The following CNTNAP2 variants were observed in gnomAD, a reference collection of about 807,000 sequenced individuals.
The protein encoded by CNTNAP2 is contactin associated protein 2.
CNTNAP2 carries 98 observed loss-of-function variants against 155.2 expected under a neutral mutation model. The ratio of observed to expected loss-of-function variants is 0.63; its 90% CI spans 0.54 to 0.75. CNTNAP2 has a LOEUF of 0.75. Among genes scored for constraint, CNTNAP2 ranks in the 30% least tolerant of loss-of-function variants. The pLI is 0.00. For synonymous variants in CNTNAP2, 651 were observed against 631.2 expected, an observed-to-expected ratio of 1.03 and a Z score of -0.47; for missense variants, 1,727 against 1,688.1, an observed-to-expected ratio of 1.02 and a Z score of -0.40.
rs148706250 is a variant in CNTNAP2 at position 147,867,535 on chromosome 7, A to C, written c.2099-36030A>C. Reference sequence around the variant, plus strand: ...GGAAGTTCTCCTGGATAATATCCTGAAGAGTGTTTTCCAACTTGGTTGTAT... The same window carrying C: ...GGAAGTTCTCCTGGATAATATCCTGCAGAGTGTTTTCCAACTTGGTTGTAT... On this transcript the variant is annotated intron_variant, in intron 13 of 23. Transcript: ENST00000361727. 3.3e-3 allele frequency among the ~76,000 whole-genome samples: 507 copies of C among 152,218 alleles called. 8 individuals carry two copies. In the East Asian group the frequency reaches 0.034, roughly 10 times the overall value.
chr7:147,460,796 C>T (rs1257839131), intron 10 of CNTNAP2, among the ~76,000 whole-genome samples: 1 of 152,162 alleles, frequency 6.6e-6, no homozygotes, highest in Non-Finnish European at 1.5e-5. Flanking sequence ...CATTAGATAC[C>T]ATCTGATGCA....
intron 3 of CNTNAP2, among the ~76,000 whole-genome samples, chr7:146,881,228 G>A (rs1191292019): frequency 2.6e-5 from 4 of 152,026 alleles, no homozygotes; most frequent in African/African-American, 9.7e-5. Context: ...CAATAAAACT[G>A]TATTGGTTTT....
Position 147,298,806 on chromosome 7 carries a change from A to G in CNTNAP2, c.1349-1335A>G, listed in dbSNP as rs148168832. Among the ~76,000 whole-genome samples the G allele has an allele frequency of 2.2e-3, 339 of 152,328 alleles. 3 individuals are homozygous for G. Among genetic ancestry groups the G allele is most frequent in the African/African-American group, 7.5e-3 (311 of 41,576 alleles). On this transcript the variant is annotated intron_variant, in intron 8 of 23. Transcript: ENST00000361727. ...CATTTGAATTGTATATAATTTTCAC[A>G]TGTCACTAAACATTATTCTTCTTTT...
At chr7:146,341,237 C>T (rs1794719234) in intron 1 of CNTNAP2, among the ~76,000 whole-genome samples, 1 of 152,052 alleles carries the variant, frequency 6.6e-6, no homozygotes, top group Admixed American at 6.6e-5. Context: ...TGAAATGCCA[C>T]TAATTTGAAT....
At chr7:147,025,631 T>C (rs1798904256) in intron 3 of CNTNAP2, among the ~76,000 whole-genome samples, 1 of 151,846 alleles carries the variant, frequency 6.6e-6, no homozygotes, top group Non-Finnish European at 1.5e-5. Flanking sequence ...TGGGCAGGGA[T>C]ACATATCCAA....
intron 8 of CNTNAP2, among the ~76,000 whole-genome samples, chr7:147,282,247 T>A (rs558825815): frequency 2.0e-5 from 3 of 151,898 alleles, no homozygotes; most frequent in Non-Finnish European, 2.9e-5. Flanking sequence ...AGTCTAAGTG[T>A]GTAATCCATA....
intron 13 of CNTNAP2, among the ~76,000 whole-genome samples, chr7:147,747,146 G>C (rs115354770): frequency 6.6e-6 from 1 of 152,148 alleles, no homozygotes; most frequent in Non-Finnish European, 1.5e-5. Context: ...TCTTATCTAT[G>C]TCAGAAATAC....
chr7:146,504,690 C>G (rs1797356017), intron 1 of CNTNAP2, among the ~76,000 whole-genome samples: 1 of 152,156 alleles, frequency 6.6e-6, no homozygotes. Flanking sequence ...CTTGCAAAAA[C>G]CAGGAACGTA....
rs71183036 is a variant in CNTNAP2 at position 147,925,292 on chromosome 7, GCACACACACACACA to G, written c.2255+21598_2255+21611del. On this transcript the variant is annotated intron_variant, in intron 14 of 23. Transcript: ENST00000361727. ...CAGACAAACACACACAAGCGCGCGC[GCACACACACACACA>G]CACACACACACACACACACACACAC... Among the ~76,000 whole-genome samples the G allele has an allele frequency of 9.4e-4, 135 of 143,218 alleles. 3 individuals carry two copies. Among genetic ancestry groups the G allele is most frequent in the South Asian group, 8.9e-3 (39 of 4,400 alleles). The allele number at this position is 143,218 out of a possible 152,430, so 94.0% of individuals were successfully genotyped here.
intron 13 of CNTNAP2, among the ~76,000 whole-genome samples, chr7:147,735,042 G>C (rs979201698): frequency 6.6e-6 from 1 of 151,372 alleles, no homozygotes; most frequent in Non-Finnish European, 1.5e-5. Flanking sequence ...TCTGATCTTA[G>C]TTATTTTTTG....
intron 12 of CNTNAP2, among the ~76,000 whole-genome samples, chr7:147,611,084 G>A (rs971705469): frequency 9.3e-6 from 1 of 107,204 alleles, no homozygotes; most frequent in African/African-American, 4.0e-5. Flanking sequence ...TGGTGTAGTA[G>A]ATATTAGGAG....
rs567672514 is a variant in CNTNAP2, at chr7:147,996,024, C to T, written c.2383+18035C>T. Among the ~76,000 whole-genome samples the T allele has an allele frequency of 2.7e-3, 406 of 152,300 alleles. 1 individual carries two copies. The highest frequency in any genetic ancestry group is 9.6e-3 in the African/African-American group (398 of 41,574). On this transcript the variant is annotated intron_variant, in intron 15 of 23. Transcript: ENST00000361727. Reference sequence around the variant, plus strand: ...GAGACAATAAACCAGGTGCCAGGCCCTTCTGAGGCTGTGAGGGTCACACAC... The same window carrying T: ...GAGACAATAAACCAGGTGCCAGGCCTTTCTGAGGCTGTGAGGGTCACACAC...
rs145311176 is a variant in CNTNAP2 at position 146,491,991 on chromosome 7, G to A, written c.98-282280G>A. ...TGTGACTGTTGGAAAAATAAGAGAA[G>A]CCTATTGTCTTGTTTTATTTTCTGG... On this transcript the variant is annotated intron_variant, in intron 1 of 23. Coordinates refer to ENST00000361727, the MANE Select transcript of CNTNAP2 (RefSeq NM_014141.6). 1.7e-3 allele frequency among the ~76,000 whole-genome samples: 255 copies of A among 152,104 alleles called. 1 individual carries two copies. Among genetic ancestry groups the A allele is most frequent in the African/African-American group, 5.8e-3 (242 of 41,510 alleles).
chr7:146,644,114 C>T (rs535924864), intron 1 of CNTNAP2, among the ~76,000 whole-genome samples: 1 of 152,178 alleles, frequency 6.6e-6, no homozygotes, highest in South Asian at 2.1e-4. Flanking sequence ...CAAACAGGGA[C>T]AATTCGACTT....
chr7:147,454,111 C>A (rs1277222564), intron 10 of CNTNAP2, among the ~76,000 whole-genome samples: 1 of 152,166 alleles, frequency 6.6e-6, no homozygotes, highest in Non-Finnish European at 1.5e-5. Context: ...TGTGTTCTTT[C>A]ATATATTAAT....
intron 9 of CNTNAP2, among the ~76,000 whole-genome samples, chr7:147,336,199 T>C (rs920639043): frequency 2.0e-5 from 3 of 152,310 alleles, no homozygotes; most frequent in African/African-American, 4.8e-5. Flanking sequence ...TTAATAGTAT[T>C]ATGATAATTT....
At chr7:146,835,094 T>C (rs1022841869) in intron 2 of CNTNAP2, among the ~76,000 whole-genome samples, 1 of 152,172 alleles carries the variant, frequency 6.6e-6, no homozygotes, top group African/African-American at 2.4e-5. Context: ...TTTCTTCTGA[T>C]TTTAGATTTT....
At chr7:147,853,017 TA>T (rs1201875195) in intron 13 of CNTNAP2, among the ~76,000 whole-genome samples, 1 of 152,204 alleles carries the variant, frequency 6.6e-6, no homozygotes, top group African/African-American at 2.4e-5. Flanking sequence ...GTGTCACATT[TA>T]AATTCTCCAG....
chr7:148,122,001 G>A (rs780564830), intron 16 of CNTNAP2, among the ~76,000 whole-genome samples: 7 of 152,176 alleles, frequency 4.6e-5, no homozygotes, highest in Admixed American at 6.5e-5. Context: ...TTAGAAAGCA[G>A]GCAAGTAACT....
Sources: allele counts gnomAD v4.1 joint callset (sites outside exome capture counted in the v4.1 genomes callset), GRCh38; gene constraint gnomAD v4.1.1; transcripts MANE v1.5; gene names NCBI Gene and HGNC (gene_info 2026-07-23, HGNC 2026-07-21).